KCTD1: variants seen among roughly 807,000 people sequenced by gnomAD.
KCTD1 encodes potassium channel tetramerization domain containing 1.
Under a neutral mutation model 66.0 loss-of-function variants are expected in KCTD1, and 24 were observed. The ratio of observed to expected loss-of-function variants is 0.36; its 90% CI spans 0.26 to 0.51. KCTD1 has a LOEUF of 0.51. Among genes scored for constraint, KCTD1 ranks in the 20% least tolerant of loss-of-function variants. The pLI, the probability that KCTD1 is intolerant of heterozygous loss-of-function variation, is 0.95. For missense variants in KCTD1, 943 were observed against 1,205.2 expected (o/e 0.78, Z 3.22); for synonymous variants, 511 against 517.2 (o/e 0.99, Z 0.16).
chr18:26,625,104 T>C (rs1987470768), intron 1 of KCTD1, among the ~76,000 whole-genome samples: 1 of 152,166 alleles, frequency 6.6e-6, no homozygotes, highest in African/African-American at 2.4e-5. Flanking sequence ...CCTCATTGTA[T>C]CTGGGAAGAA....
upstream of KCTD1, among the ~76,000 whole-genome samples, chr18:26,642,314 G>A (rs1034716706): frequency 2.6e-5 from 4 of 152,154 alleles, no homozygotes; most frequent in Non-Finnish European, 4.4e-5. Flanking sequence ...GTCCACTTGG[G>A]GAAGCAATGA....
intron 1 of KCTD1, among the ~76,000 whole-genome samples, chr18:26,508,074 T>C (rs1983138173): frequency 6.6e-6 from 1 of 152,242 alleles, no homozygotes; most frequent in South Asian, 2.1e-4. Context: ...TAACACTTAT[T>C]TTTAAAGCCA....
intron 1 of KCTD1, among the ~76,000 whole-genome samples, chr18:26,534,200 AG>A (rs1984582995): frequency 6.6e-6 from 1 of 152,146 alleles, no homozygotes. Context: ...AAATCTACTT[AG>A]AGTTTGTTCA....
At chr18:26,545,714 AG>A (rs1189544031) in intron 1 of KCTD1, 1 of 152,026 alleles carries the variant, frequency 6.6e-6, no homozygotes, top group East Asian at 1.9e-4. Flanking sequence ...TCTGACTCCT[AG>A]ACTAGAGAGT....
At chr18:26,505,375 A>G (rs1687236302) in intron 1 of KCTD1, among the ~76,000 whole-genome samples, 2 of 152,246 alleles carry the variant, frequency 1.3e-5, no homozygotes, top group Admixed American at 1.3e-4. Context: ...TGCTGAAGAA[A>G]CAACTCAGAG....
chr18:26,462,800 C>G (rs1035596200), intron 3 of KCTD1, among the ~76,000 whole-genome samples: 2 of 152,162 alleles, frequency 1.3e-5, no homozygotes, highest in Non-Finnish European at 2.9e-5. Flanking sequence ...TCTCTAAGTA[C>G]CACGGTTTTT....
intron 1 of KCTD1, among the ~76,000 whole-genome samples, chr18:26,601,704 T>C (rs1281513626): frequency 6.6e-6 from 1 of 152,232 alleles, no homozygotes; most frequent in Non-Finnish European, 1.5e-5. Flanking sequence ...TAATTTGTAG[T>C]TTTCAGTTTA....
chr18:26,533,765 G>T (rs1211351616), intron 1 of KCTD1, among the ~76,000 whole-genome samples: 1 of 149,986 alleles, frequency 6.7e-6, no homozygotes, highest in African/African-American at 2.5e-5. Context: ...CTCCCAAAGT[G>T]CTGGAATTAC....
upstream of KCTD1, chr18:26,548,774 G>A: frequency 5.3e-6 from 6 of 1,125,170 alleles, no homozygotes; most frequent in Non-Finnish European, 6.5e-6. Context: ...AAAGGACGGA[G>A]GCTGACCAGA....
At chr18:26,487,206 T>C (rs1040556923) in intron 2 of KCTD1, among the ~76,000 whole-genome samples, 2 of 152,202 alleles carry the variant, frequency 1.3e-5, no homozygotes, top group African/African-American at 4.8e-5. Flanking sequence ...TTCTGTCGTT[T>C]ATGATGTCAG....
intron 1 of KCTD1, among the ~76,000 whole-genome samples, chr18:26,597,197 G>A (rs1986786212): frequency 6.6e-6 from 1 of 152,050 alleles, no homozygotes; most frequent in African/African-American, 2.4e-5. Context: ...TACCCCCAGA[G>A]AGGGAACACC....
At chr18:26,504,216 C>T (rs561807611) in intron 1 of KCTD1, among the ~76,000 whole-genome samples, 6 of 152,062 alleles carry the variant, frequency 3.9e-5, no homozygotes, top group Admixed American at 1.3e-4. Flanking sequence ...ACTACAGGTA[C>T]GTGCCACCAC....
intron 1 of KCTD1, among the ~76,000 whole-genome samples, chr18:26,510,809 T>A (rs1362547531): frequency 6.6e-6 from 1 of 152,228 alleles, no homozygotes; most frequent in Non-Finnish European, 1.5e-5. Flanking sequence ...ACAGCTCAAA[T>A]ATAGCTACTA....
chr18:26,626,054 G>A (rs1362545271), intron 1 of KCTD1, among the ~76,000 whole-genome samples: 1 of 151,866 alleles, frequency 6.6e-6, no homozygotes, highest in Non-Finnish European at 1.5e-5. Flanking sequence ...TTGCCACCAT[G>A]AGGTTTAGGC....
chr18:26,536,669 G>A (rs554994871), intron 1 of KCTD1, among the ~76,000 whole-genome samples: 1 of 152,210 alleles, frequency 6.6e-6, no homozygotes, highest in South Asian at 2.1e-4. Flanking sequence ...TTCCACTGTA[G>A]TTTCTCCAGT....
chr18:26,531,970 A>G (rs1984452971), intron 1 of KCTD1, among the ~76,000 whole-genome samples: 1 of 152,194 alleles, frequency 6.6e-6, no homozygotes, highest in South Asian at 2.1e-4. Context: ...TTTTATAAGA[A>G]TGGGGGAGAA....
At chr18:26,491,705 G>T (rs747387265) in intron 2 of KCTD1, among the ~76,000 whole-genome samples, 1 of 152,178 alleles carries the variant, frequency 6.6e-6, no homozygotes, top group Admixed American at 6.5e-5. Flanking sequence ...TTCCTCGGGG[G>T]CTGAAGGGCT....
intron 1 of KCTD1, among the ~76,000 whole-genome samples, chr18:26,620,402 T>C (rs1987352844): frequency 6.9e-6 from 1 of 144,630 alleles, no homozygotes; most frequent in Non-Finnish European, 1.5e-5. Context: ...CAAGTTAGTC[T>C]GACACTTTTA....
intron 1 of KCTD1, among the ~76,000 whole-genome samples, chr18:26,651,084 T>C (rs1267975270): frequency 1.3e-5 from 2 of 152,142 alleles, no homozygotes; most frequent in Non-Finnish European, 2.9e-5. Context: ...CACAACAATC[T>C]CTCACAACAA....
Sources: allele counts gnomAD v4.1 joint callset (sites outside exome capture counted in the v4.1 genomes callset), GRCh38; gene constraint gnomAD v4.1.1; transcripts MANE v1.5; gene names NCBI Gene and HGNC (gene_info 2026-07-23, HGNC 2026-07-21).